Variants in HELLS observed in about 807,000 individuals in gnomAD.
The protein encoded by HELLS is lymphoid-specific helicase.
In HELLS, 32 loss-of-function variants were observed where a neutral mutation model predicts 120.0. The observed-to-expected ratio is 0.27, with a 90% CI of 0.20 to 0.36. HELLS has a LOEUF of 0.36. Ranked by LOEUF, HELLS falls within the 10% of genes least tolerant of loss-of-function variation. The probability of loss-of-function intolerance (pLI) is 1.00; values close to 1 mark genes in which losing one functional copy is unlikely to be tolerated. For synonymous variants in HELLS, 341 were observed against 323.4 expected (o/e 1.05, Z -0.58); for missense variants, 650 against 993.4 (o/e 0.65, Z 4.65).
intron 6 of HELLS, among the ~76,000 whole-genome samples, chr10:94,564,957 G>A (rs61886177): frequency 3.3e-5 from 5 of 152,042 alleles, no homozygotes; most frequent in Non-Finnish European, 7.4e-5. Flanking sequence ...TTTACCTGAA[G>A]TTCAAACTCT....
In HELLS at chr10:94,580,177, ACACACAC is replaced by A. The variant is rs1262670658; in HGVS notation, c.1033-1148_1033-1142del. On this transcript the variant is annotated intron_variant, in intron 10 of 21. Transcript: ENST00000348459. ...TATATATATATACACACACACACAC[ACACACAC>A]ATTTTTTTTTTTTTTTTTTTGAGAC... Among the ~76,000 whole-genome samples, 337 of 116,972 alleles carry A rather than the reference ACACACAC, an allele frequency of 2.9e-3. 8 individuals are homozygous for A. The highest frequency in any genetic ancestry group is 0.01 in the African/African-American group (320 of 30,888). 76.7% of individuals were successfully genotyped at this position (116,972 alleles called of 152,430 possible).
intron 6 of HELLS, among the ~76,000 whole-genome samples, chr10:94,566,039 T>C (rs1843780927): frequency 6.6e-6 from 1 of 152,042 alleles, no homozygotes. Flanking sequence ...ACTACATGCC[T>C]GTGCCACCAG....
At chr10:94,545,976 C>G in intron 1 of HELLS, 24 bp downstream of exon 1, 2 of 1,553,894 alleles carry the variant, frequency 1.3e-6, no homozygotes, top group African/African-American at 1.4e-5. Context: ...ACCTTTTGGG[C>G]GCGGGTGGCA....
chr10:94,597,430 C>T (rs1334510779), intron 21 of HELLS, among the ~76,000 whole-genome samples: 3 of 152,176 alleles, frequency 2.0e-5, no homozygotes, highest in African/African-American at 4.8e-5. Flanking sequence ...GGAGGCACAT[C>T]GTATCTGGAT....
intron 12 of HELLS, chr10:94,584,064 AT>A: frequency 7.3e-7 from 1 of 1,363,458 alleles, no homozygotes; most frequent in South Asian, 1.3e-5. Flanking sequence ...TCCAGAAAAG[AT>A]TTATATGATA....
chr10:94,546,635 C>T (rs1842765850), intron 2 of HELLS, 137 bp downstream of exon 2: 6 of 947,620 alleles, frequency 6.3e-6, no homozygotes, highest in African/African-American at 4.9e-5. Context: ...TATTACTTGT[C>T]TTTTTTGTAT....
chr10:94,593,010 G>T (rs533854827), intron 17 of HELLS, among the ~76,000 whole-genome samples: 1 of 151,990 alleles, frequency 6.6e-6, no homozygotes, highest in Non-Finnish European at 1.5e-5. Flanking sequence ...ACCCTTTTCC[G>T]TAATGACTTC....
chr10:94,588,483 A>T, intron 13 of HELLS, 93 bp downstream of exon 13: 1 of 926,434 alleles, frequency 1.1e-6, no homozygotes. Context: ...TCGCTCTGTC[A>T]CCCAGGCTGT....
intron 6 of HELLS, among the ~76,000 whole-genome samples, chr10:94,565,895 A>G (rs995413492): frequency 4.7e-5 from 7 of 147,438 alleles, no homozygotes; most frequent in African/African-American, 1.5e-4. Flanking sequence ...AGTCAATGAA[A>G]TTGAATTTTT....
chr10:94,591,480 T>C (rs887629790), intron 15 of HELLS, among the ~76,000 whole-genome samples: 21 of 152,218 alleles, frequency 1.4e-4, no homozygotes, highest in Non-Finnish European at 2.6e-4. Flanking sequence ...TAGTTTACAA[T>C]AGGCTTTTCC....
intron 19 of HELLS, among the ~76,000 whole-genome samples, chr10:94,596,406 C>T (rs1348433278): frequency 2.6e-5 from 4 of 152,198 alleles, no homozygotes; most frequent in African/African-American, 7.2e-5. Flanking sequence ...ATTTTTGTCA[C>T]ACTGATGAGT....
intron 7 of HELLS, among the ~76,000 whole-genome samples, chr10:94,572,334 G>T (rs1844220328): frequency 6.6e-6 from 1 of 152,150 alleles, no homozygotes; most frequent in Non-Finnish European, 1.5e-5. Context: ...GCATACACTT[G>T]TGTAACCACC....
At chr10:94,600,381 A>G (rs187991446) in intron 21 of HELLS, among the ~76,000 whole-genome samples, 31 of 152,298 alleles carry the variant, frequency 2.0e-4, no homozygotes, top group Non-Finnish European at 3.7e-4. Context: ...GGCCAGAACC[A>G]AGACAGTTTT....
intron 12 of HELLS, among the ~76,000 whole-genome samples, chr10:94,587,840 A>C (rs1845250954): frequency 6.6e-6 from 1 of 152,108 alleles, no homozygotes; most frequent in African/African-American, 2.4e-5. Context: ...TTTTGTACTC[A>C]TTATTTCAAA....
In HELLS at chr10:94,546,769, A is replaced by G. The variant is rs564090165; in HGVS notation, c.153+271A>G. 2.0e-5 allele frequency among the ~76,000 whole-genome samples: 3 copies of G among 152,346 alleles called. No individual in the cohort carries two copies. The South Asian group carries it at 6.2e-4, about 32-fold the overall frequency. Reference sequence around the variant, plus strand: ...ATTTCAGATTGCTTGTTTAGCCATGAAAAGTCTTTCAAAGTCCATAGTGAG... The same window carrying G: ...ATTTCAGATTGCTTGTTTAGCCATGGAAAGTCTTTCAAAGTCCATAGTGAG... On this transcript the variant is annotated intron_variant, in intron 2 of 21. Coordinates refer to ENST00000348459, the MANE Select transcript of HELLS (RefSeq NM_018063.5).
At chr10:94,598,772 C>A (rs1054242973) in intron 21 of HELLS, among the ~76,000 whole-genome samples, 1 of 151,820 alleles carries the variant, frequency 6.6e-6, no homozygotes. Flanking sequence ...ATTTTTATGT[C>A]ATCTGTAACT....
chr10:94,571,427 G>A lies in HELLS; in HGVS notation c.475G>A (p.Glu159Lys), dbSNP rs763005862. ...GGCTAAAAAAAATAAAAAGGAGAAT[G>A]AGGTAAGAAATTTATAATGTAAGAT... ...SVAKKNKKENEDENSSSTNLC... is the reference protein window; with the variant it reads ...SVAKKNKKENKDENSSSTNLC... The change falls in exon 7 of 22, where the codon GAG becomes AAG. Residue 159 changes from glutamate to lysine, a missense_variant and splice_region_variant. Glu to Lys is a moderately conservative substitution (Grantham distance 56). Transcript: ENST00000348459. The A allele has an allele frequency of 2.7e-6, 4 of 1,499,044 alleles. No homozygotes were observed. The South Asian group carries it at 3.5e-5, about 13-fold the overall frequency. 92.9% of individuals were successfully genotyped at this position (1,499,044 alleles called of 1,614,324 possible).
exon 10 of HELLS, chr10:94,609,968 A>T (rs932266290): frequency 2.1e-4 from 32 of 152,192 alleles, no homozygotes; most frequent in African/African-American, 7.0e-4. Context: ...ACCTGAAGAG[A>T]GGCATCCAGC....
At chr10:94,563,345 C>T (rs1166601636) in intron 6 of HELLS, among the ~76,000 whole-genome samples, 1 of 152,124 alleles carries the variant, frequency 6.6e-6, no homozygotes, top group Non-Finnish European at 1.5e-5. Flanking sequence ...ATCCGCCCGC[C>T]TCGGTCTCCT....
Sources: allele counts gnomAD v4.1 joint callset (sites outside exome capture counted in the v4.1 genomes callset), GRCh38; gene constraint gnomAD v4.1.1; transcripts MANE v1.5; gene names NCBI Gene and HGNC (gene_info 2026-07-23, HGNC 2026-07-21).